The following PTPRT variants were observed in gnomAD, a reference collection of about 807,000 sequenced individuals.
The protein encoded by PTPRT is protein tyrosine phosphatase receptor type T.
PTPRT carries 56 observed loss-of-function variants against 176.8 expected under a neutral mutation model. That is an observed-to-expected ratio of 0.32 (90% CI 0.26 to 0.40). PTPRT has a LOEUF of 0.40. Ranked by LOEUF, PTPRT falls within the 10% of genes least tolerant of loss-of-function variation. PTPRT has a pLI of 1.00. For missense variants in PTPRT, 1,540 were observed against 1,908.2 expected (o/e 0.81, Z 3.60); for synonymous variants, 783 against 739.0 (o/e 1.06, Z -0.96).
In PTPRT at chr20:42,690,635, C is replaced by T. The variant is rs116521588; in HGVS notation, c.860-12476G>A. ...AATTTCCCTGTGCAGTACCCCAGTACTCTATGCTAGCTTCTCCAAACTATG... is the reference window on the plus strand; with the variant it reads ...AATTTCCCTGTGCAGTACCCCAGTATTCTATGCTAGCTTCTCCAAACTATG... On this transcript the variant is annotated intron_variant, in intron 6 of 30. Coordinates refer to ENST00000373187, the MANE Select transcript of PTPRT (RefSeq NM_007050.6). Among the ~76,000 whole-genome samples the T allele has an allele frequency of 6.7e-4, 102 of 152,318 alleles. 1 individual carries two copies. The highest frequency in any genetic ancestry group is 2.4e-3 in the African/African-American group (101 of 41,562).
chr20:43,032,024 C>A (rs544367878), intron 1 of PTPRT, among the ~76,000 whole-genome samples: 1 of 152,088 alleles, frequency 6.6e-6, no homozygotes, highest in Non-Finnish European at 1.5e-5. Flanking sequence ...TGGGGCAGAA[C>A]GGCCAGAAAT....
intron 13 of PTPRT, among the ~76,000 whole-genome samples, chr20:42,277,930 A>ATCCATCCC: frequency 6.6e-6 from 1 of 150,420 alleles, no homozygotes; most frequent in Non-Finnish European, 1.5e-5. Context: ...CCATCCATCC[A>ATCCATCCC]TTTGTTCATC....
At chr20:43,144,228 A>G (rs1054299902) in intron 1 of PTPRT, among the ~76,000 whole-genome samples, 10 of 152,248 alleles carry the variant, frequency 6.6e-5, no homozygotes, top group Non-Finnish European at 1.3e-4. Context: ...CCTGACCACA[A>G]CATCCCTGAG....
At chr20:42,265,148 G>C (rs1027018533) in intron 13 of PTPRT, among the ~76,000 whole-genome samples, 2 of 152,176 alleles carry the variant, frequency 1.3e-5, no homozygotes, top group African/African-American at 4.8e-5. Flanking sequence ...GGGGCTCAAA[G>C]CCTCTCAGAT....
At chr20:42,434,198 CTAT>C (rs2059240893) in intron 9 of PTPRT, among the ~76,000 whole-genome samples, 1 of 151,948 alleles carries the variant, frequency 6.6e-6, no homozygotes, top group African/African-American at 2.4e-5. Flanking sequence ...ACACTATATA[CTAT>C]TGTTATATTG....
chr20:42,172,843 C>T (rs1883377), intron 16 of PTPRT, among the ~76,000 whole-genome samples: 51,604 of 151,946 alleles, frequency 0.34, 9,155 homozygotes, highest in East Asian at 0.38. Flanking sequence ...AACACTAGCG[C>T]TGAGTTTCTT....
Position 42,468,120 on chromosome 20 carries a change from G to C in PTPRT, c.1450+4146C>G, listed in dbSNP as rs62204867. ...CTCAGCAGCCATGAGCTGCTCTCTA[G>C]TGCTGGATTTCTTCGCAGGCCGTCA... On this transcript the variant is annotated intron_variant, in intron 8 of 30. Coordinates refer to ENST00000373187, the MANE Select transcript of PTPRT (RefSeq NM_007050.6). Among the ~76,000 whole-genome samples the C allele has an allele frequency of 8.6e-3, 1,304 of 152,364 alleles. 11 individuals carry two copies. Among genetic ancestry groups the C allele is most frequent in the Middle Eastern group, 0.014 (4 of 294 alleles).
intron 2 of PTPRT, among the ~76,000 whole-genome samples, chr20:42,881,829 C>G (rs1398686791): frequency 6.7e-6 from 1 of 148,484 alleles, no homozygotes; most frequent in Non-Finnish European, 1.5e-5. Flanking sequence ...TGAGAAGGAA[C>G]AAGGAACAAT....
At chr20:42,208,615 C>G (rs1256853713) in intron 15 of PTPRT, among the ~76,000 whole-genome samples, 10 of 151,714 alleles carry the variant, frequency 6.6e-5, no homozygotes, top group Admixed American at 6.6e-4. Flanking sequence ...ATATATGCAC[C>G]CAATACAGGA....
At chr20:42,465,084 T>G (rs1453458512) in intron 8 of PTPRT, among the ~76,000 whole-genome samples, 1 of 151,946 alleles carries the variant, frequency 6.6e-6, no homozygotes, top group South Asian at 2.1e-4. Context: ...TTAATTATAA[T>G]CAATTACATT....
At chr20:42,537,841 C>T (rs2072503453) in intron 7 of PTPRT, among the ~76,000 whole-genome samples, 1 of 152,136 alleles carries the variant, frequency 6.6e-6, no homozygotes, top group Non-Finnish European at 1.5e-5. Flanking sequence ...TCACTGACGT[C>T]TGAAACAAAG....
rs536042872 is a variant in PTPRT, at chr20:42,502,383, G to GA, written c.1154-29822dup. Among the ~76,000 whole-genome samples, 732 of 144,182 alleles carry GA rather than the reference G, an allele frequency of 5.1e-3. 6 individuals are homozygous for GA. The highest frequency in any genetic ancestry group is 7.3e-3 in the Non-Finnish European group (479 of 65,784). 94.6% of individuals were successfully genotyped at this position (144,182 alleles called of 152,430 possible). On this transcript the variant is annotated intron_variant, in intron 7 of 30. Transcript: ENST00000373187. ...TTTTGGAGGGATAGGCACTCTCCTA[G>GA]AAAAAATTACATATGTATACAAACA...
chr20:42,839,684 A>G (rs1469600082), intron 2 of PTPRT, among the ~76,000 whole-genome samples: 2 of 152,186 alleles, frequency 1.3e-5, no homozygotes, highest in African/African-American at 4.8e-5. Flanking sequence ...ATGACCAAGG[A>G]CATCCCAAGG....
chr20:42,304,283 A>G (rs1282013223), intron 12 of PTPRT, among the ~76,000 whole-genome samples: 1 of 151,952 alleles, frequency 6.6e-6, no homozygotes, highest in Non-Finnish European at 1.5e-5. Context: ...CTCTATTCAA[A>G]TTTGATCCAT....
At chr20:42,959,761 C>G (rs1364748335) in intron 1 of PTPRT, among the ~76,000 whole-genome samples, 2 of 152,202 alleles carry the variant, frequency 1.3e-5, no homozygotes, top group African/African-American at 4.8e-5. Flanking sequence ...AACCCATGCA[C>G]AAGCCATTCC....
At chr20:42,420,177 T>A (rs1049298355) in intron 9 of PTPRT, among the ~76,000 whole-genome samples, 1 of 152,158 alleles carries the variant, frequency 6.6e-6, no homozygotes. Flanking sequence ...CTGTCTGTCA[T>A]CAGTTATGAC....
Position 42,743,772 on chromosome 20 carries a change from C to T in PTPRT, c.859+12690G>A, listed in dbSNP as rs559269007. Among the ~76,000 whole-genome samples the T allele has an allele frequency of 2.6e-5, 4 of 152,320 alleles. No homozygotes were observed. In the South Asian group the frequency reaches 8.3e-4, roughly 32 times the overall value. ...ACAACGTGAGCATACTGAACCTCAT[C>T]GATTACATTGGGAACCCACAGCCAC... On this transcript the variant is annotated intron_variant, in intron 6 of 30. Transcript: ENST00000373187.
chr20:42,783,905 C>G (rs1423803099), intron 3 of PTPRT, among the ~76,000 whole-genome samples: 1 of 151,966 alleles, frequency 6.6e-6, no homozygotes, highest in East Asian at 1.9e-4. Context: ...CCATGCATAC[C>G]CAGTGGCACT....
intron 13 of PTPRT, among the ~76,000 whole-genome samples, chr20:42,257,277 G>A (rs1404019956): frequency 6.6e-6 from 1 of 152,208 alleles, no homozygotes; most frequent in Non-Finnish European, 1.5e-5. Context: ...AGCCGGGTGT[G>A]AAACTGAGTT....
Sources: allele counts gnomAD v4.1 joint callset (sites outside exome capture counted in the v4.1 genomes callset), GRCh38; gene constraint gnomAD v4.1.1; transcripts MANE v1.5; gene names NCBI Gene and HGNC (gene_info 2026-07-23, HGNC 2026-07-21).